Variants in BRINP1 observed in about 807,000 individuals in gnomAD.
BRINP1 encodes BMP/retinoic acid inducible neural specific 1.
BRINP1 carries 17 observed loss-of-function variants against 72.9 expected under a neutral mutation model. The ratio of observed to expected loss-of-function variants is 0.23; its 90% CI spans 0.16 to 0.35. The LOEUF is 0.35. BRINP1 is among the 10% of genes least tolerant of loss of function. BRINP1 has a pLI of 1.00. For synonymous variants in BRINP1, 418 were observed against 378.5 expected (o/e 1.10, Z -1.21); for missense variants, 850 against 1,001.6 (o/e 0.85, Z 2.04).
intron 1 of BRINP1, among the ~76,000 whole-genome samples, chr9:119,315,988 G>A (rs944713410): frequency 1.3e-5 from 2 of 152,204 alleles, no homozygotes; most frequent in African/African-American, 4.8e-5. Context: ...TAACATGAAA[G>A]TACAAGGTGA....
chr9:119,332,436 T>A (rs1587963595), intron 1 of BRINP1, among the ~76,000 whole-genome samples: 1 of 152,158 alleles, frequency 6.6e-6, no homozygotes, highest in Non-Finnish European at 1.5e-5. Flanking sequence ...TCCCTATCAT[T>A]AGGCACTCTG....
intron 2 of BRINP1, among the ~76,000 whole-genome samples, chr9:119,307,990 T>C (rs1259826059): frequency 6.6e-6 from 1 of 152,042 alleles, no homozygotes; most frequent in Non-Finnish European, 1.5e-5. Flanking sequence ...GCTGTGCAAA[T>C]GGAGAGATAA....
rs1206302244 is a variant in BRINP1 at position 119,351,221 on chromosome 9, G to A, written c.-51+17835C>T. ...GTAACACATTCAAACTCATTTGCAC[G>A]TGAAAAACTTCCAAGCTTACATTTT... On this transcript the variant is annotated intron_variant, in intron 1 of 7. Coordinates refer to ENST00000265922, the MANE Select transcript of BRINP1 (RefSeq NM_014618.3). 6.6e-5 allele frequency among the ~76,000 whole-genome samples: 10 copies of A among 152,036 alleles called. No homozygotes were observed. The East Asian group carries it at 9.7e-4, about 15-fold the overall frequency.
At chr9:119,335,122 C>A (rs370835582) in intron 1 of BRINP1, among the ~76,000 whole-genome samples, 7 of 152,152 alleles carry the variant, frequency 4.6e-5, no homozygotes, top group African/African-American at 1.7e-4. Flanking sequence ...AAGGCACCAG[C>A]TGAATGTCCC....
chr9:119,175,594 G>GC (rs1156867038), intron 7 of BRINP1, among the ~76,000 whole-genome samples: 2 of 152,042 alleles, frequency 1.3e-5, no homozygotes, highest in Non-Finnish European at 2.9e-5. Flanking sequence ...TTCTATTGCA[G>GC]CCTCTGGGCC....
At chr9:119,329,364 G>A (rs2119010534) in intron 1 of BRINP1, among the ~76,000 whole-genome samples, 1 of 152,270 alleles carries the variant, frequency 6.6e-6, no homozygotes, top group Non-Finnish European at 1.5e-5. Flanking sequence ...CTTCTGCAAT[G>A]TTGTCATCCT....
intron 2 of BRINP1, among the ~76,000 whole-genome samples, chr9:119,276,040 T>C (rs1421733467): frequency 1.3e-5 from 2 of 152,156 alleles, no homozygotes; most frequent in Non-Finnish European, 2.9e-5. Flanking sequence ...CATTTCCTTA[T>C]CTGTTATCTT....
chr9:119,265,724 C>A (rs370062854), intron 2 of BRINP1, among the ~76,000 whole-genome samples: 1 of 152,122 alleles, frequency 6.6e-6, no homozygotes, highest in African/African-American at 2.4e-5. Context: ...TCAATCAGTA[C>A]CTTTTTTTAA....
intron 2 of BRINP1, among the ~76,000 whole-genome samples, chr9:119,303,774 G>A (rs1830965136): frequency 6.6e-6 from 1 of 152,110 alleles, no homozygotes; most frequent in African/African-American, 2.4e-5. Flanking sequence ...AGACATCTCA[G>A]AGTCCCTGCT....
intron 2 of BRINP1, among the ~76,000 whole-genome samples, chr9:119,292,395 G>A (rs567809473): frequency 1.1e-4 from 16 of 152,222 alleles, no homozygotes; most frequent in African/African-American, 3.4e-4. Flanking sequence ...TTATCTTATC[G>A]CCATTCACTT....
chr9:119,192,282 C>T (rs1829690941), intron 7 of BRINP1, among the ~76,000 whole-genome samples: 1 of 151,776 alleles, frequency 6.6e-6, no homozygotes, highest in Non-Finnish European at 1.5e-5. Context: ...TTCTTCACAG[C>T]AAAGGAAATA....
intron 2 of BRINP1, among the ~76,000 whole-genome samples, chr9:119,255,979 A>C (rs112822924): frequency 1.3e-5 from 2 of 150,508 alleles, no homozygotes; most frequent in Non-Finnish European, 1.5e-5. Flanking sequence ...AAAAAAAAAA[A>C]AAAACACGAG....
chr9:119,246,901 T>G (rs1830325731), intron 3 of BRINP1, among the ~76,000 whole-genome samples: 1 of 152,264 alleles, frequency 6.6e-6, no homozygotes, highest in Non-Finnish European at 1.5e-5. Flanking sequence ...TAGGGCCTAC[T>G]GTCCAACACC....
At chr9:119,313,452 A>AAG in intron 1 of BRINP1, 47 bp from the exon 2 acceptor site, 1 of 1,466,584 alleles carries the variant, frequency 6.8e-7, no homozygotes, top group Non-Finnish European at 9.0e-7. Context: ...GAGAAACCAA[A>AAG]AGAGAGAGAG....
intron 7 of BRINP1, among the ~76,000 whole-genome samples, chr9:119,170,569 C>T (rs7022589): frequency 0.47 from 70,815 of 150,872 alleles, 16,545 homozygotes; most frequent in South Asian, 0.54. Flanking sequence ...AGGATATTAT[C>T]CAGGAGAACT....
At chr9:119,299,849 C>T (rs929801141) in intron 2 of BRINP1, among the ~76,000 whole-genome samples, 5 of 152,118 alleles carry the variant, frequency 3.3e-5, no homozygotes, top group African/African-American at 9.7e-5. Context: ...AAATATTTCC[C>T]TGAATATGGA....
In BRINP1 at chr9:119,169,728, C is replaced by G. The variant is rs568555295; in HGVS notation, c.1146-1504G>C. 2.9e-4 allele frequency among the ~76,000 whole-genome samples: 44 copies of G among 152,366 alleles called. No homozygotes were observed. In the South Asian group the frequency reaches 8.7e-3, roughly 30 times the overall value. On this transcript the variant is annotated intron_variant, in intron 7 of 7. Coordinates refer to ENST00000265922, the MANE Select transcript of BRINP1 (RefSeq NM_014618.3). ...AGTAACCTCTGCAGACTTAAATGTT[C>G]CTGTCTGACAGCTTTGAAGAGAGCA...
chr9:119,293,609 A>C (rs1250056985), intron 2 of BRINP1, among the ~76,000 whole-genome samples: 2 of 152,228 alleles, frequency 1.3e-5, no homozygotes, highest in African/African-American at 4.8e-5. Flanking sequence ...CACACTGGAT[A>C]AATAATTTAT....
chr9:119,217,985 A>G (rs750775042), intron 5 of BRINP1, among the ~76,000 whole-genome samples: 4 of 151,892 alleles, frequency 2.6e-5, no homozygotes, highest in Non-Finnish European at 4.4e-5. Context: ...ACCCTCCCAG[A>G]CCCAGGTTAA....
Sources: allele counts gnomAD v4.1 joint callset (sites outside exome capture counted in the v4.1 genomes callset), GRCh38; gene constraint gnomAD v4.1.1; transcripts MANE v1.5; gene names NCBI Gene and HGNC (gene_info 2026-07-23, HGNC 2026-07-21).